The following PEAR1 variants were observed in gnomAD, a reference collection of about 807,000 sequenced individuals.
PEAR1 encodes the protein multiple EGF-like domains protein 12.
In PEAR1, 113 loss-of-function variants were observed where a neutral mutation model predicts 131.2. The ratio of observed to expected loss-of-function variants is 0.86; its 90% CI spans 0.74 to 1.01. The LOEUF (loss-of-function observed/expected upper bound fraction) is 1.01. PEAR1 is among the 50% of genes least tolerant of loss of function. The probability of loss-of-function intolerance (pLI) is 0.00; values close to 1 mark genes in which losing one functional copy is unlikely to be tolerated. For missense variants in PEAR1, 1,408 were observed against 1,391.1 expected (o/e 1.01, Z -0.19); for synonymous variants, 565 against 523.3 (o/e 1.08, Z -1.09).
intron 1 of PEAR1, among the ~76,000 whole-genome samples, chr1:156,895,247 C>T (rs1649050439): frequency 6.6e-6 from 1 of 152,232 alleles, no homozygotes; most frequent in Non-Finnish European, 1.5e-5. Flanking sequence ...GAAGAGGAAA[C>T]TCACGCTCCA....
At chr1:156,907,515 T>C in intron 6 of PEAR1, 95 bp from the exon 7 acceptor site, 2 of 1,524,946 alleles carry the variant, frequency 1.3e-6, no homozygotes, top group Non-Finnish European at 8.8e-7. Context: ...AATCACTAAG[T>C]CCTGAGGTGG....
chr1:156,903,151 C>A (rs1031999111), intron 1 of PEAR1, among the ~76,000 whole-genome samples: 1 of 152,130 alleles, frequency 6.6e-6, no homozygotes, highest in Non-Finnish European at 1.5e-5. Flanking sequence ...GGAAGAGATG[C>A]ATACAATTGG....
intron 11 of PEAR1, 95 bp from the exon 12 acceptor site, chr1:156,909,656 T>A: frequency 3.0e-6 from 4 of 1,347,186 alleles, no homozygotes; most frequent in Non-Finnish European, 4.1e-6. Flanking sequence ...CCACCCCAGC[T>A]CATAGCATAG....
At chr1:156,895,794 G>A (rs1214873342) in intron 1 of PEAR1, among the ~76,000 whole-genome samples, 1 of 152,226 alleles carries the variant, frequency 6.6e-6, no homozygotes, top group Non-Finnish European at 1.5e-5. Context: ...GCAGCACACT[G>A]GAAACACCAG....
intron 1 of PEAR1, among the ~76,000 whole-genome samples, chr1:156,896,535 GT>G (rs1272104556): frequency 1.3e-5 from 2 of 152,244 alleles, no homozygotes; most frequent in Non-Finnish European, 2.9e-5. Flanking sequence ...TGCGGGAGGG[GT>G]TGCGATTGAT....
chr1:156,900,870 A>G (rs1214915944), intron 1 of PEAR1, among the ~76,000 whole-genome samples: 2 of 151,954 alleles, frequency 1.3e-5, no homozygotes, highest in African/African-American at 4.8e-5. Context: ...CTTGAGGGGT[A>G]TATGCAATCT....
chr1:156,912,364 A>T lies in PEAR1; in HGVS notation c.2069A>T (p.His690Leu). 5 of 1,613,548 alleles carry T rather than the reference A, an allele frequency of 3.1e-6. No homozygotes were observed. The highest frequency in any genetic ancestry group is 4.2e-6 in the Non-Finnish European group (5 of 1,179,780). The change falls in exon 16 of 23, where the codon CAC becomes CTC. Residue 690 changes from histidine to leucine, a missense_variant. Transcript: ENST00000292357. ...TGCCCCCTAGGCTGGACTGGACACC[A>T]CTGCTTAGAAGGTACCAACAGAAGG... ...CICPLGWTGH[H>L]CLEGCPLGTF...
At position 156,905,332 on chromosome 1, in the gene PEAR1, A is replaced by G. The variant is rs1346035769; in HGVS notation, c.215A>G (p.Tyr72Cys). The G allele has an allele frequency of 1.2e-6, 2 of 1,611,586 alleles. No individual in the cohort carries two copies. The highest frequency in any genetic ancestry group is 1.7e-5 in the Admixed American group (1 of 59,940). The change falls in exon 4 of 23, where the codon TAC (tyrosine) becomes TGC (cysteine). Residue 72 changes from tyrosine to cysteine, a missense_variant. Physicochemically the swap from Tyr to Cys is radical, Grantham distance 194. Coordinates refer to ENST00000292357, the MANE Select transcript of PEAR1 (RefSeq NM_001080471.3). Reference sequence around the variant, plus strand: ...CTTCCTGGCCTCCGCAGGGTTGTATACCGGACCGTGTACCGTCAGGTGGTG... The same window carrying G: ...CTTCCTGGCCTCCGCAGGGTTGTATGCCGGACCGTGTACCGTCAGGTGGTG... ...PHTCPQPTVV[Y>C]RTVYRQVVKT...
At chr1:156,913,100 A>T (rs1651434357) in intron 18 of PEAR1, 94 bp from the exon 19 acceptor site, 4 of 1,550,460 alleles carry the variant, frequency 2.6e-6, no homozygotes, top group South Asian at 2.3e-5. Context: ...AAGGGAGGTC[A>T]GGGAGGCCAA....
At chr1:156,905,636 G>A (rs1650214281) in intron 4 of PEAR1, among the ~76,000 whole-genome samples, 1 of 151,960 alleles carries the variant, frequency 6.6e-6, no homozygotes, top group African/African-American at 2.4e-5. Flanking sequence ...TCTCCAGCCG[G>A]CCCCATGTGT....
chr1:156,910,362 G>C lies in PEAR1; in HGVS notation c.1807G>C (p.Gly603Arg). Reference sequence around the variant, plus strand: ...CTGCGTGTGTGCACCCGGATTCCGGGGCCCCTCCTGCCAGAGATGTGAGGC... The same window carrying C: ...CTGCGTGTGTGCACCCGGATTCCGGCGCCCCTCCTGCCAGAGATGTGAGGC... The part of the protein sequence containing the change: ...GNCVCAPGFR[G>R]PSCQRSCQPG... The change falls in exon 14 of 23, where the codon GGC becomes CGC. Residue 603 changes from glycine (G) to arginine (R), a missense_variant. Physicochemically the swap from Gly to Arg is moderately radical, Grantham distance 125 (BLOSUM62 -2). Transcript: ENST00000292357. 2.5e-6 allele frequency: 4 copies of C among 1,600,558 alleles called. No homozygotes were observed. The highest frequency in any genetic ancestry group is 3.4e-6 in the Non-Finnish European group (4 of 1,173,194).
In PEAR1 at chr1:156,903,944, T is replaced by C; in HGVS notation, c.18T>C (p.Cys6=). Residue 6 remains cysteine, a synonymous_variant, in exon 2 of 23, where the codon TGT becomes TGC. Transcript: ENST00000292357. ...CCTCTGCAATGTCACCGCCTCTGTG[T>C]CCCCTCCTTCTCCTGGCTGTGGGCC... is the stretch of plus-strand genomic sequence containing the variant. The part of the protein sequence containing the change: MSPPL[C]PLLLLAVGLR... 1 of 1,613,978 alleles carries C rather than the reference T, an allele frequency of 6.2e-7. No homozygotes were observed. The highest frequency in any genetic ancestry group is 8.5e-7 in the Non-Finnish European group (1 of 1,179,990).
chr1:156,904,688 C>A (rs368684788), intron 2 of PEAR1, 60 bp from the exon 3 acceptor site: 2 of 1,503,544 alleles, frequency 1.3e-6, no homozygotes, highest in East Asian at 4.5e-5. Flanking sequence ...GCCATTTTCC[C>A]GTTGTGGCCG....
chr1:156,895,660 C>G (rs572604185), intron 1 of PEAR1, among the ~76,000 whole-genome samples: 3 of 152,018 alleles, frequency 2.0e-5, no homozygotes, highest in Admixed American at 1.3e-4. Flanking sequence ...ACAAAATGCC[C>G]GGAGGGAGAA....
chr1:156,909,638 C>A (rs149979286), intron 11 of PEAR1, 113 bp from the exon 12 acceptor site: 2 of 1,218,910 alleles, frequency 1.6e-6, no homozygotes, highest in Non-Finnish European at 2.3e-6. Context: ...GCCGTGAACA[C>A]CCCCCACCCA....
At chr1:156,910,786 A>T (rs1381465448) in intron 15 of PEAR1, 43 bp downstream of exon 15, 1 of 1,609,656 alleles carries the variant, frequency 6.2e-7, no homozygotes, top group Non-Finnish European at 8.5e-7. Flanking sequence ...GCATGCTGAG[A>T]GGGGGTGCTG....
chr1:156,900,977 T>G (rs58581379), intron 1 of PEAR1, among the ~76,000 whole-genome samples: 5,717 of 152,228 alleles, frequency 0.038, 360 homozygotes, highest in African/African-American at 0.13. Flanking sequence ...GGACAAAGGC[T>G]TAGATGGGAA....
At position 156,907,681 on chromosome 1, in the gene PEAR1, G is replaced by T; in HGVS notation, c.716G>T (p.Gly239Val). The T allele has an allele frequency of 6.2e-7, 1 of 1,613,968 alleles. No individual in the cohort carries two copies. Residue 239 changes from glycine to valine, a missense_variant, in exon 7 of 23, where the codon GGT becomes GTT. Physicochemically the swap from Gly to Val is moderately radical, Grantham distance 109. Transcript: ENST00000292357. Reference protein sequence around the residue: ...CPSTHSCQNGGVFQTPQGSCS... With the variant: ...CPSTHSCQNGVVFQTPQGSCS... The stretch of plus-strand genomic sequence containing the variant: ...AGCACCCATTCTTGCCAAAATGGAG[G>T]TGTCTTCCAAACCCCACAGGGCTCC...
intron 1 of PEAR1, among the ~76,000 whole-genome samples, chr1:156,896,489 T>A (rs964095307): frequency 2.6e-5 from 4 of 152,202 alleles, no homozygotes; most frequent in African/African-American, 4.8e-5. Flanking sequence ...CCTTCCAGGG[T>A]GGCGGCGAGG....
Sources: allele counts gnomAD v4.1 joint callset (sites outside exome capture counted in the v4.1 genomes callset), GRCh38; gene constraint gnomAD v4.1.1; transcripts MANE v1.5; gene names NCBI Gene and HGNC (gene_info 2026-07-23, HGNC 2026-07-21).